KCNC4: variants seen among roughly 807,000 people sequenced by gnomAD.
The protein encoded by KCNC4 is voltage-gated potassium channel KCNC4.
KCNC4 carries 23 observed loss-of-function variants against 42.8 expected under a neutral mutation model. The ratio of observed to expected loss-of-function variants is 0.54; its 90% CI spans 0.39 to 0.76. The LOEUF (loss-of-function observed/expected upper bound fraction) is 0.76. Ranked by LOEUF, KCNC4 falls within the 30% of genes least tolerant of loss-of-function variation. The pLI is 0.00. For missense variants in KCNC4, 751 were observed against 898.2 expected (o/e 0.84, Z 2.10); for synonymous variants, 422 against 393.5 (o/e 1.07, Z -0.86).
exon 4 of KCNC4, chr1:110,243,915 A>G (rs561263569): frequency 6.6e-6 from 1 of 152,418 alleles, no homozygotes; most frequent in Admixed American, 6.5e-5. Context: ...GAGGCAGGTC[A>G]GAACAAGAGG....
chr1:110,210,652 C>A lies in KCNC4; in HGVS notation c.-848C>A, dbSNP rs1465156070. Among the ~76,000 whole-genome samples, 1 of 151,312 alleles carries A rather than the reference C, an allele frequency of 6.6e-6. No individual in the cohort carries two copies. The highest frequency in any genetic ancestry group is 1.5e-5 in the Non-Finnish European group (1 of 67,760). ...CGGCTCCCCAGAGCGGCCCCGCCCC[C>A]CAGGCTCGGCGCCGCGCAGGACGCC... On this transcript the variant is annotated 5_prime_UTR_variant, in exon 1 of 4. Coordinates refer to ENST00000438661, the MANE Select transcript of KCNC4 (RefSeq NM_001039574.3).
At chr1:110,275,105 T>C (rs1659694323) in intron 1 of KCNC4, among the ~76,000 whole-genome samples, 1 of 152,022 alleles carries the variant, frequency 6.6e-6, no homozygotes, top group Non-Finnish European at 1.5e-5. Flanking sequence ...TTGCAAACTA[T>C]GCATCTAGTA....
At chr1:110,212,814 G>A (rs959143682) in intron 1 of KCNC4, among the ~76,000 whole-genome samples, 15 of 152,158 alleles carry the variant, frequency 9.9e-5, no homozygotes, top group African/African-American at 3.6e-4. Context: ...TGCCCCTGAG[G>A]CTTCCTGCAC....
chr1:110,281,568 A>ACACACACT (rs910857061), intron 1 of KCNC4, among the ~76,000 whole-genome samples: 1 of 151,428 alleles, frequency 6.6e-6, no homozygotes, highest in African/African-American at 2.4e-5. Context: ...ACACACACAC[A>ACACACACT]CACACACACA....
At chr1:110,281,815 T>C (rs1035519011) in intron 1 of KCNC4, among the ~76,000 whole-genome samples, 7 of 152,206 alleles carry the variant, frequency 4.6e-5, no homozygotes, top group African/African-American at 9.6e-5. Context: ...ATCTCATGGA[T>C]GACTGATCAC....
At chr1:110,244,051 G>A (rs1659088971) in exon 4 of KCNC4, 1 of 152,182 alleles carries the variant, frequency 6.6e-6, no homozygotes, top group South Asian at 2.1e-4. Context: ...ATCCTTGGCA[G>A]GTGGAAGGTT....
exon 4 of KCNC4, chr1:110,243,941 A>G (rs780649393): frequency 6.6e-6 from 1 of 152,280 alleles, no homozygotes; most frequent in Non-Finnish European, 1.5e-5. Flanking sequence ...GTTCCAGTCC[A>G]GCACAGATTA....
In KCNC4 at chr1:110,211,755, AGCAGCG is replaced by A; in HGVS notation, c.259_264del (p.Ser87_Gly88del). 6.2e-7 allele frequency: 1 copy of A among 1,609,518 alleles called. No homozygotes were observed. The highest frequency in any genetic ancestry group is 8.5e-7 in the Non-Finnish European group (1 of 1,178,912). ...TGGCGGCGGTGTGGGTAGCAGCGGC[AGCAGCG>A]GCGGCGGGGGCTGCGAGTTCTTCTT... On this transcript the variant is annotated inframe_deletion, in exon 1 of 4. Coordinates refer to ENST00000438661, the MANE Select transcript of KCNC4 (RefSeq NM_001039574.3). This position sits in a 1 kb window ranked among gnomAD's most constrained non-coding sequence, Gnocchi z 6.5.
In KCNC4 at chr1:110,226,059, C is replaced by A. The variant is rs147798518; in HGVS notation, c.1700C>A (p.Thr567Asn). The change falls in exon 3 of 4, where the codon ACC becomes AAC. Residue 567 changes from threonine to asparagine, a missense_variant. This residue lies in a region of KCNC4 where 202 missense variants were observed against 181.5 expected (regional missense o/e 1.11). Coordinates refer to ENST00000438661, the MANE Select transcript of KCNC4 (RefSeq NM_001039574.3). The part of the protein sequence containing the change: ...GLTQPLASSP[T>N]PEERRALRRS... Reference sequence around the variant, plus strand: ...ACCCAACCCCTGGCCTCCTCCCCGACCCCCGAGGAGCGCCGGGCCCTGCGA... The same window carrying A: ...ACCCAACCCCTGGCCTCCTCCCCGAACCCCGAGGAGCGCCGGGCCCTGCGA... 28 of 1,613,860 alleles carry A rather than the reference C, an allele frequency of 1.7e-5. No homozygotes were observed. Among genetic ancestry groups the A allele is most frequent in the Non-Finnish European group, 2.4e-5 (28 of 1,179,914 alleles).
At chr1:110,282,487 AATGTTGCTCTCTTCCAATAAGC>A (rs1163207023) in intron 1 of KCNC4, 1 of 152,102 alleles carries the variant, frequency 6.6e-6, no homozygotes, top group Non-Finnish European at 1.5e-5. Context: ...GAGTGTCTGT[AATGTTGCTCTCTTCCAATAAGC>A]CTGTTATTTT....
At chr1:110,242,734 A>G (rs1019032640) in exon 4 of KCNC4, 2 of 152,182 alleles carry the variant, frequency 1.3e-5, no homozygotes, top group Admixed American at 6.5e-5. Flanking sequence ...AGCCCCCTAC[A>G]TGGCTTAATG....
intron 3 of KCNC4, among the ~76,000 whole-genome samples, chr1:110,229,373 G>C (rs923349501): frequency 2.6e-5 from 4 of 152,300 alleles, no homozygotes; most frequent in Middle Eastern, 3.4e-3. Flanking sequence ...GCCGTGGGCG[G>C]GCTGCCTAGG....
intron 1 of KCNC4, among the ~76,000 whole-genome samples, chr1:110,263,357 TC>T (rs1378799492): frequency 1.2e-4 from 17 of 146,292 alleles, no homozygotes; most frequent in Admixed American, 3.4e-4. Context: ...TTTTTTTTTT[TC>T]CCACATCTGC....
rs1294755934 is a variant in KCNC4, at chr1:110,232,897, C to CT, written c.1820-13dup. 6.2e-7 allele frequency: 1 copy of CT among 1,608,516 alleles called. No homozygotes were observed. Among genetic ancestry groups the CT allele is most frequent in the Non-Finnish European group, 8.5e-7 (1 of 1,177,650 alleles). ...TGCGTCCCAGTGTCTCACACCTGTG[C>CT]TCTTTAAACACAGAGACCTGCCAAG... On this transcript the variant is annotated splice_polypyrimidine_tract_variant and intron_variant, in intron 3 of 3. Transcript: ENST00000438661.
chr1:110,217,607 A>G (rs1657868377), intron 1 of KCNC4, among the ~76,000 whole-genome samples: 1 of 152,152 alleles, frequency 6.6e-6, no homozygotes, highest in Admixed American at 6.5e-5. Context: ...GTAGGGACTC[A>G]TCCGTTCTGG....
At chr1:110,238,835 T>A (rs1229019619), downstream of KCNC4, 1 of 152,192 alleles carries the variant, frequency 6.6e-6, no homozygotes, top group Non-Finnish European at 1.5e-5. Context: ...GTGAACTCTG[T>A]CCTCAGGGAA....
At chr1:110,212,248 C>T (rs1657515103) in intron 1 of KCNC4, 71 bp downstream of exon 1, 2 of 1,342,856 alleles carry the variant, frequency 1.5e-6, no homozygotes, top group African/African-American at 3.1e-5. Context: ...TGGGTAGGGG[C>T]CGGGAGGAGC....
At chr1:110,230,619 A>C (rs751661491) in intron 3 of KCNC4, among the ~76,000 whole-genome samples, 1 of 152,068 alleles carries the variant, frequency 6.6e-6, no homozygotes, top group African/African-American at 2.4e-5. Context: ...TGGCACCCCT[A>C]CGGTGGGCAC....
chr1:110,236,391 C>T (rs1424214348), downstream of KCNC4: 2 of 152,222 alleles, frequency 1.3e-5, no homozygotes, highest in Non-Finnish European at 2.9e-5. Context: ...ACTCTCTGAA[C>T]TGAGTGGGGC....
Sources: gnomAD v4.1 joint callset for allele counts (sites outside exome capture counted in the v4.1 genomes callset) on GRCh38, gnomAD v4.1.1 for gene constraint, gnomAD v4.1.1 regional missense constraint, Gnocchi (gnomAD v3.1) non-coding constraint, MANE v1.5 for transcripts, NCBI Gene and HGNC (gene_info 2026-07-23, HGNC 2026-07-21) for gene names.